Variants in CEP350 observed in about 807,000 individuals in gnomAD.
The protein encoded by CEP350 is centrosome-associated protein 350.
Under a neutral mutation model 331.8 loss-of-function variants are expected in CEP350, and 126 were observed. The observed-to-expected ratio is 0.38, with a 90% confidence interval of 0.33 to 0.44. CEP350 has a LOEUF of 0.44. Among genes scored for constraint, CEP350 ranks in the 20% least tolerant of loss-of-function variants. The pLI, the probability that CEP350 is intolerant of heterozygous loss-of-function variation, is 1.00. For missense variants in CEP350, 3,406 were observed against 3,634.6 expected (o/e 0.94, Z 1.62); for synonymous variants, 1,200 against 1,259.5 (o/e 0.95, Z 1.00).
chr1:180,010,974 T>C (rs1203966074), intron 8 of CEP350, among the ~76,000 whole-genome samples: 2 of 151,998 alleles, frequency 1.3e-5, no homozygotes, highest in African/African-American at 4.8e-5. Flanking sequence ...GTAGTTTCTA[T>C]TTTGTAAACA....
intron 25 of CEP350, among the ~76,000 whole-genome samples, chr1:180,060,868 G>A (rs751059479): frequency 3.3e-5 from 5 of 151,428 alleles, no homozygotes; most frequent in Non-Finnish European, 7.4e-5. Context: ...TTGCAGATAA[G>A]CACAAATATT....
At chr1:180,110,851 G>A (rs1572017517) in intron 37 of CEP350, 146 bp from the exon 38 acceptor site, 2 of 633,158 alleles carry the variant, frequency 3.2e-6, no homozygotes, top group East Asian at 5.9e-5. Context: ...TTTTAAAAGG[G>A]GTATTGATAT....
At chr1:179,989,722 A>C (rs541125496) in intron 3 of CEP350, among the ~76,000 whole-genome samples, 2 of 152,142 alleles carry the variant, frequency 1.3e-5, no homozygotes, top group Non-Finnish European at 2.9e-5. Context: ...CCTGAATTCT[A>C]TCTTGCGAAT....
At chr1:180,071,397 T>A (rs1462077407) in intron 27 of CEP350, among the ~76,000 whole-genome samples, 2 of 148,220 alleles carry the variant, frequency 1.3e-5, no homozygotes, top group Non-Finnish European at 3.0e-5. Context: ...AGACGGAGAT[T>A]GTAGTGAGCT....
At chr1:179,965,872 T>C (rs12144275) in intron 1 of CEP350, among the ~76,000 whole-genome samples, 21,330 of 152,002 alleles carry the variant, frequency 0.14, 1,597 homozygotes, top group African/African-American at 0.17. Context: ...GTGATCCACT[T>C]TCCTTGGCCT....
At chr1:180,062,845 C>T (rs1050257302) in intron 26 of CEP350, among the ~76,000 whole-genome samples, 2 of 152,188 alleles carry the variant, frequency 1.3e-5, no homozygotes, top group African/African-American at 4.8e-5. Context: ...CTTAATGTTA[C>T]AATGAGAATT....
At chr1:180,064,096 G>T (rs940483030) in intron 26 of CEP350, among the ~76,000 whole-genome samples, 1 of 152,044 alleles carries the variant, frequency 6.6e-6, no homozygotes, top group African/African-American at 2.4e-5. Context: ...CCCAAGTTGG[G>T]CTATTCCCAT....
chr1:179,971,183 C>A (rs1336175586), intron 1 of CEP350, among the ~76,000 whole-genome samples: 2 of 152,070 alleles, frequency 1.3e-5, no homozygotes, highest in East Asian at 1.9e-4. Flanking sequence ...CACATGCCAC[C>A]ACACCCAGCT....
intron 33 of CEP350, 105 bp from the exon 34 acceptor site, chr1:180,092,509 A>G (rs1249246916): frequency 2.4e-5 from 16 of 673,894 alleles, no homozygotes; most frequent in East Asian, 2.2e-4. Flanking sequence ...TATTGACTAG[A>G]GGGGTTTTTT....
intron 32 of CEP350, 52 bp from the exon 33 acceptor site, chr1:180,090,662 C>T: frequency 2.1e-6 from 3 of 1,454,048 alleles, no homozygotes; most frequent in South Asian, 2.9e-5. Flanking sequence ...CTTTTTGTTA[C>T]CAGTTATTAT....
At chr1:179,999,376 T>C (rs150690362) in intron 6 of CEP350, among the ~76,000 whole-genome samples, 250 of 152,238 alleles carry the variant, frequency 1.6e-3, no homozygotes, top group African/African-American at 5.9e-3. Flanking sequence ...TATATTAAAA[T>C]ATTTTATAAA....
Position 180,048,670 on chromosome 1 carries a change from G to A in CEP350, c.4757G>A (p.Arg1586Gln), listed in dbSNP as rs1024597463. Residue 1586 changes from arginine (R) to glutamine (Q), a missense_variant, in exon 22 of 38, where the codon CGA (arginine) becomes CAA (glutamine). Arg to Gln is a conservative substitution (Grantham distance 43, BLOSUM62 1). Transcript: ENST00000367607. ...CAGACTGCTGCAGATGATTCTCTAC[G>A]AAGTGATAGTGTTCCATCTCTTCCT... ...QVQTAADDSLRSDSVPSLPDE... is the reference protein window; with the variant it reads ...QVQTAADDSLQSDSVPSLPDE... The A allele has an allele frequency of 3.7e-6, 6 of 1,612,328 alleles. No individual in the cohort carries two copies. Among genetic ancestry groups the A allele is most frequent in the East Asian group, 2.2e-5 (1 of 44,828 alleles).
At chr1:180,028,439 C>T (rs1655811718) in intron 14 of CEP350, among the ~76,000 whole-genome samples, 3 of 152,200 alleles carry the variant, frequency 2.0e-5, no homozygotes, top group Admixed American at 1.3e-4. Flanking sequence ...CAGATTCTGA[C>T]TTCTGACTCC....
At chr1:180,057,151 T>A in intron 25 of CEP350, among the ~76,000 whole-genome samples, 1 of 150,974 alleles carries the variant, frequency 6.6e-6, no homozygotes, top group Non-Finnish European at 1.5e-5. Flanking sequence ...CAGGCCAGAG[T>A]GCAATGGCGC....
At chr1:180,109,935 A>G (rs1260730408) in intron 37 of CEP350, among the ~76,000 whole-genome samples, 1 of 152,192 alleles carries the variant, frequency 6.6e-6, no homozygotes, top group Non-Finnish European at 1.5e-5. Flanking sequence ...GCACCCAGCC[A>G]ATCTAATGCG....
At chr1:180,000,651 A>C (rs1653801061) in intron 6 of CEP350, 1 of 191,680 alleles carries the variant, frequency 5.2e-6, no homozygotes, top group Non-Finnish European at 1.1e-5. Flanking sequence ...CAAAGATGAC[A>C]TTGGTGTGGC....
At position 180,048,649 on chromosome 1, in the gene CEP350, C is replaced by T. The variant is rs1443242150; in HGVS notation, c.4736C>T (p.Thr1579Ile). The change falls in exon 22 of 38, where the codon ACT becomes ATT. Residue 1579 changes from threonine (T) to isoleucine (I), a missense_variant. This residue lies in a region of CEP350 where 1,857 missense variants were observed against 1,909.2 expected (regional missense o/e 0.97). Transcript: ENST00000367607. ...IESSIDEQVQTAADDSLRSDS... is the reference protein window; with the variant it reads ...IESSIDEQVQIAADDSLRSDS... ...AGTTCCATTGATGAACAGGTTCAGA[C>T]TGCTGCAGATGATTCTCTACGAAGT... The T allele has an allele frequency of 1.2e-6, 2 of 1,612,490 alleles. No homozygotes were observed. Among genetic ancestry groups the T allele is most frequent in the Non-Finnish European group, 1.7e-6 (2 of 1,178,722 alleles).
chr1:180,085,414 T>C (rs546386862), intron 31 of CEP350, among the ~76,000 whole-genome samples: 68 of 152,326 alleles, frequency 4.5e-4, no homozygotes, highest in African/African-American at 1.6e-3. Flanking sequence ...CCAGGCTAGC[T>C]GGGGCCCTTA....
chr1:180,054,192 C>T (rs1022461073), intron 24 of CEP350, among the ~76,000 whole-genome samples: 3 of 152,132 alleles, frequency 2.0e-5, no homozygotes, highest in African/African-American at 7.2e-5. Flanking sequence ...TGTAAACTTC[C>T]CCAAGTCCTT....
Sources: allele counts gnomAD v4.1 joint callset (sites outside exome capture counted in the v4.1 genomes callset), GRCh38; gene constraint gnomAD v4.1.1; regional missense constraint gnomAD v4.1.1; transcripts MANE v1.5; gene names NCBI Gene and HGNC (gene_info 2026-07-23, HGNC 2026-07-21).